The following EYA2 variants were observed in gnomAD, a reference collection of about 807,000 sequenced individuals.
The protein encoded by EYA2 is EYA transcriptional coactivator and phosphatase 2, also known as protein phosphatase EYA2.
A neutral mutation model predicts 69.2 loss-of-function variants in EYA2; 31 were observed. The ratio of observed to expected loss-of-function variants is 0.45; its 90% CI spans 0.34 to 0.60. The LOEUF is 0.60. EYA2 is among the 20% of genes least tolerant of loss of function. The pLI, the probability that EYA2 is intolerant of heterozygous loss-of-function variation, is 0.02. For missense variants in EYA2, 622 were observed against 701.2 expected, an observed-to-expected ratio of 0.89 and a Z score of 1.28; for synonymous variants, 257 against 279.4, an observed-to-expected ratio of 0.92 and a Z score of 0.80.
At chr20:46,998,687 C>T (rs989675802) in intron 2 of EYA2, among the ~76,000 whole-genome samples, 2 of 152,136 alleles carry the variant, frequency 1.3e-5, no homozygotes, top group Admixed American at 1.3e-4. Flanking sequence ...GTCCACACCA[C>T]CCTAACCATG....
At chr20:47,153,512 G>A (rs6066216) in intron 10 of EYA2, among the ~76,000 whole-genome samples, 7,166 of 151,810 alleles carry the variant, frequency 0.047, 248 homozygotes, top group Non-Finnish European at 0.066. Context: ...AAAATTAGCC[G>A]GGCATGGTGA....
intron 1 of EYA2, among the ~76,000 whole-genome samples, chr20:46,957,055 C>G: frequency 6.6e-6 from 1 of 152,222 alleles, no homozygotes; most frequent in East Asian, 1.9e-4. Flanking sequence ...AGAGCCAAAC[C>G]ATATCACTTT....
chr20:47,021,219 C>A (rs1405782159), intron 5 of EYA2, among the ~76,000 whole-genome samples: 2 of 152,176 alleles, frequency 1.3e-5, no homozygotes, highest in Non-Finnish European at 2.9e-5. Context: ...ATTTCCTGAA[C>A]TCTCAATTTT....
chr20:47,085,851 G>T (rs2031877770), intron 7 of EYA2, among the ~76,000 whole-genome samples: 1 of 152,172 alleles, frequency 6.6e-6, no homozygotes, highest in African/African-American at 2.4e-5. Flanking sequence ...TGGAGGAAGA[G>T]CTTATCCAAA....
intron 1 of EYA2, among the ~76,000 whole-genome samples, chr20:46,895,418 C>T (rs965202243): frequency 1.3e-5 from 2 of 152,212 alleles, no homozygotes; most frequent in African/African-American, 2.4e-5. Context: ...ATGGGATAAC[C>T]AAGAAGCAGA....
At chr20:46,972,577 A>G (rs1980206853) in intron 1 of EYA2, among the ~76,000 whole-genome samples, 1 of 152,178 alleles carries the variant, frequency 6.6e-6, no homozygotes, top group Non-Finnish European at 1.5e-5. Context: ...TCTGTATCCT[A>G]TTCTGCTCTC....
intron 5 of EYA2, among the ~76,000 whole-genome samples, chr20:47,071,230 G>A (rs2031304566): frequency 1.3e-5 from 2 of 151,984 alleles, no homozygotes; most frequent in East Asian, 1.9e-4. Context: ...GGTTGGTCTC[G>A]AGCTCCTGAC....
chr20:47,012,187 C>T (rs1205668340), intron 4 of EYA2, among the ~76,000 whole-genome samples: 1 of 152,196 alleles, frequency 6.6e-6, no homozygotes, highest in Non-Finnish European at 1.5e-5. Flanking sequence ...CACATGCTCA[C>T]TTTGGTGCTT....
At position 47,054,412 on chromosome 20, in the gene EYA2, T is replaced by A. The variant is rs551441506; in HGVS notation, c.416-17773T>A. On this transcript the variant is annotated intron_variant, in intron 5 of 15. Coordinates refer to ENST00000327619, the MANE Select transcript of EYA2 (RefSeq NM_005244.5). ...CGTAGGGCTGGTGATGAAAAAATAT[T>A]TGTCGAATTCATGAATCCGTCAGTT... 2.6e-5 allele frequency among the ~76,000 whole-genome samples: 4 copies of A among 152,302 alleles called. No homozygotes were observed. The East Asian group carries it at 7.7e-4, about 29-fold the overall frequency.
At chr20:47,033,649 A>G (rs1371929382) in intron 5 of EYA2, among the ~76,000 whole-genome samples, 1 of 152,168 alleles carries the variant, frequency 6.6e-6, no homozygotes, top group East Asian at 1.9e-4. Context: ...CAGTCAGCTA[A>G]TTCTAGCCAC....
chr20:47,082,233 T>C (rs995471333), intron 7 of EYA2, among the ~76,000 whole-genome samples: 4 of 152,192 alleles, frequency 2.6e-5, no homozygotes, highest in Non-Finnish European at 5.9e-5. Flanking sequence ...TTAAATATAA[T>C]AATTTTCATC....
intron 4 of EYA2, among the ~76,000 whole-genome samples, chr20:47,011,293 T>G (rs1983041830): frequency 6.6e-6 from 1 of 152,166 alleles, no homozygotes; most frequent in Non-Finnish European, 1.5e-5. Context: ...AAACGAGTAC[T>G]CTGGGCTGTG....
At chr20:46,933,184 C>T (rs1336509014) in intron 1 of EYA2, among the ~76,000 whole-genome samples, 3 of 152,152 alleles carry the variant, frequency 2.0e-5, no homozygotes, top group Non-Finnish European at 2.9e-5. Context: ...TAATTCCTGC[C>T]TCATCAGATC....
intron 2 of EYA2, among the ~76,000 whole-genome samples, chr20:46,992,464 T>C (rs189073999): frequency 4.9e-4 from 74 of 152,194 alleles, no homozygotes; most frequent in Non-Finnish European, 9.4e-4. Context: ...TTTACAGACA[T>C]GGAAGTTGGG....
Position 47,093,904 on chromosome 20 carries a change from C to G in EYA2, c.805-3181C>G, listed in dbSNP as rs1261482035. ...CCTTGACCAAAGCACATCCATGTGC[C>G]TTACGCTGCCCTTGTCTCCCCTTCA... On this transcript the variant is annotated intron_variant, in intron 8 of 15. Coordinates refer to ENST00000327619, the MANE Select transcript of EYA2 (RefSeq NM_005244.5). 2.0e-5 allele frequency among the ~76,000 whole-genome samples: 3 copies of G among 152,230 alleles called. No homozygotes were observed. The East Asian group carries it at 5.8e-4, about 29-fold the overall frequency.
rs531190529 is a variant in EYA2 at position 46,926,683 on chromosome 20, A to G, written c.-11+31696A>G. Among the ~76,000 whole-genome samples, 36 of 152,354 alleles carry G rather than the reference A, an allele frequency of 2.4e-4. 1 individual carries two copies. The South Asian group carries it at 7.5e-3, about 32-fold the overall frequency. On this transcript the variant is annotated intron_variant, in intron 1 of 15. Transcript: ENST00000327619. ...GCACCCTGTGGCCAATCAAGCTGAC[A>G]TGTAAAATTAACCATCACACTAATG... is the stretch of plus-strand genomic sequence containing the variant.
Position 46,910,193 on chromosome 20 carries a change from G to T in EYA2, c.-11+15206G>T, listed in dbSNP as rs182251748. On this transcript the variant is annotated intron_variant, in intron 1 of 15. Coordinates refer to ENST00000327619, the MANE Select transcript of EYA2 (RefSeq NM_005244.5). ...TACAGGAAGCATGTTACTGGCATCTGCTCAGCTTCTGGGGAGGCCTTAGGA... is the reference window on the plus strand; with the variant it reads ...TACAGGAAGCATGTTACTGGCATCTTCTCAGCTTCTGGGGAGGCCTTAGGA... Among the ~76,000 whole-genome samples the T allele has an allele frequency of 1.9e-3, 288 of 152,226 alleles. 1 individual carries two copies. Among genetic ancestry groups the T allele is most frequent in the African/African-American group, 6.4e-3 (266 of 41,516 alleles).
intron 9 of EYA2, among the ~76,000 whole-genome samples, chr20:47,125,472 A>G (rs1483987874): frequency 1.4e-4 from 21 of 152,158 alleles, no homozygotes; most frequent in Non-Finnish European, 1.5e-5. Flanking sequence ...ATGTGAATCA[A>G]CTTATTTTTT....
At chr20:47,160,375 G>T (rs146991849) in intron 10 of EYA2, among the ~76,000 whole-genome samples, 72 of 152,336 alleles carry the variant, frequency 4.7e-4, no homozygotes, top group African/African-American at 1.5e-3. Context: ...ACATAGATGT[G>T]TTCTAATAAA....
Sources: allele counts gnomAD v4.1 joint callset (sites outside exome capture counted in the v4.1 genomes callset), GRCh38; gene constraint gnomAD v4.1.1; transcripts MANE v1.5; gene names NCBI Gene and HGNC (gene_info 2026-07-23, HGNC 2026-07-21).